The following RBFOX1 variants were observed in gnomAD, a reference collection of about 807,000 sequenced individuals.
The protein encoded by RBFOX1 is RNA binding protein fox-1 homolog 1.
A neutral mutation model predicts 57.7 loss-of-function variants in RBFOX1; 8 were observed. That is an observed-to-expected ratio of 0.14 (90% CI 0.08 to 0.25). The LOEUF is 0.25. RBFOX1 is among the 10% of genes least tolerant of loss of function. RBFOX1 has a pLI of 1.00. For missense variants in RBFOX1, 611 were observed against 548.5 expected (o/e 1.11, Z -1.14); for synonymous variants, 326 against 222.4 (o/e 1.47, Z -4.15).
chr16:5,607,060 C>T (rs1474012672), intron 3 of RBFOX1, among the ~76,000 whole-genome samples: 1 of 152,152 alleles, frequency 6.6e-6, no homozygotes, highest in African/African-American at 2.4e-5. Flanking sequence ...GGCTGGGAGG[C>T]CTTGGTCCCT....
intron 4 of RBFOX1, among the ~76,000 whole-genome samples, chr16:7,096,105 A>G (rs1455700778): frequency 6.6e-6 from 1 of 152,188 alleles, no homozygotes; most frequent in Non-Finnish European, 1.5e-5. Context: ...CTGACGACCC[A>G]GGAGACATGA....
chr16:6,679,046 C>G (rs2058212477), intron 3 of RBFOX1, among the ~76,000 whole-genome samples: 1 of 152,114 alleles, frequency 6.6e-6, no homozygotes, highest in African/African-American at 2.4e-5. Context: ...TATTATATCT[C>G]TAACACCTCT....
intron 3 of RBFOX1, among the ~76,000 whole-genome samples, chr16:6,968,822 T>G (rs1433746559): frequency 2.2e-5 from 3 of 135,516 alleles, no homozygotes; most frequent in African/African-American, 6.0e-5. Context: ...GGTTTTTTTG[T>G]TTTTTTTTTT....
chr16:6,875,377 A>T (rs144891655), intron 3 of RBFOX1, among the ~76,000 whole-genome samples: 83 of 152,212 alleles, frequency 5.5e-4, no homozygotes, highest in African/African-American at 1.9e-3. Flanking sequence ...GTCCAATATG[A>T]CCTACTTCTC....
intron 3 of RBFOX1, among the ~76,000 whole-genome samples, chr16:5,608,552 TAAATC>T (rs1300846537): frequency 5.9e-5 from 9 of 152,270 alleles, no homozygotes; most frequent in Non-Finnish European, 8.8e-5. Flanking sequence ...ACAGAGTTGA[TAAATC>T]AAATTGTTAT....
intron 4 of RBFOX1, among the ~76,000 whole-genome samples, chr16:7,241,022 C>T (rs866521592): frequency 6.6e-6 from 1 of 152,152 alleles, no homozygotes; most frequent in Non-Finnish European, 1.5e-5. Context: ...TCTGTTCTGG[C>T]TATCGTGAAA....
At chr16:6,756,120 C>G (rs763379329) in intron 3 of RBFOX1, among the ~76,000 whole-genome samples, 28 of 152,080 alleles carry the variant, frequency 1.8e-4, no homozygotes, top group African/African-American at 6.8e-4. Context: ...TAGTAGAAAC[C>G]TTTAAAAATC....
intron 1 of RBFOX1, among the ~76,000 whole-genome samples, chr16:5,428,198 A>G (rs2067623401): frequency 1.3e-5 from 2 of 152,020 alleles, no homozygotes; most frequent in Admixed American, 6.5e-5. Flanking sequence ...TGGAGTCCTT[A>G]CTGAACTTCC....
chr16:6,762,149 C>G (rs1304829832), intron 3 of RBFOX1, among the ~76,000 whole-genome samples: 2 of 152,094 alleles, frequency 1.3e-5, no homozygotes, highest in East Asian at 3.9e-4. Flanking sequence ...GTCTTCTCCT[C>G]TGTAAAATGT....
At chr16:5,905,522 G>A (rs1212852876) in intron 4 of RBFOX1, among the ~76,000 whole-genome samples, 2 of 152,074 alleles carry the variant, frequency 1.3e-5, no homozygotes, top group Non-Finnish European at 2.9e-5. Flanking sequence ...GACCAGCTTG[G>A]AAAACATGTT....
chr16:6,344,402 TTTTTC>T (rs2085019770), intron 2 of RBFOX1, among the ~76,000 whole-genome samples: 1 of 103,302 alleles, frequency 9.7e-6, no homozygotes, highest in Non-Finnish European at 1.8e-5. Context: ...TTTTTTCTTT[TTTTTC>T]TTTTTTTTTT....
chr16:6,688,550 T>A (rs955762537), intron 3 of RBFOX1, among the ~76,000 whole-genome samples: 2 of 152,128 alleles, frequency 1.3e-5, no homozygotes, highest in African/African-American at 4.8e-5. Flanking sequence ...AGCACCGTAG[T>A]GGGGACAATA....
intron 3 of RBFOX1, among the ~76,000 whole-genome samples, chr16:5,712,474 G>C (rs1305237541): frequency 6.6e-6 from 1 of 152,218 alleles, no homozygotes; most frequent in Non-Finnish European, 1.5e-5. Context: ...TTTCACGCAT[G>C]CTGATGAATT....
downstream of RBFOX1, among the ~76,000 whole-genome samples, chr16:5,604,630 C>T (rs117986818): frequency 1.4e-3 from 219 of 152,276 alleles, no homozygotes; most frequent in Non-Finnish European, 2.4e-3. Context: ...AGAAGTAACT[C>T]GTGGGTCCTG....
At chr16:6,439,504 G>T (rs761972984) in intron 2 of RBFOX1, among the ~76,000 whole-genome samples, 2 of 152,156 alleles carry the variant, frequency 1.3e-5, no homozygotes, top group Non-Finnish European at 2.9e-5. Flanking sequence ...CTTCCCTTCT[G>T]CCCCTTTCCT....
At chr16:6,743,730 A>C (rs989478045) in intron 3 of RBFOX1, among the ~76,000 whole-genome samples, 3 of 151,792 alleles carry the variant, frequency 2.0e-5, no homozygotes, top group Non-Finnish European at 4.4e-5. Context: ...ACTCCACTGC[A>C]CTCAGGGCAA....
chr16:7,040,932 G>T (rs987215548), intron 3 of RBFOX1, among the ~76,000 whole-genome samples: 1 of 151,260 alleles, frequency 6.6e-6, no homozygotes, highest in African/African-American at 2.4e-5. Context: ...TTTTGCTGGG[G>T]GGGGAAGGAG....
rs181160417 is a variant in RBFOX1, at chr16:6,229,353, A to T, written c.-126-87642A>T. ...CCTCTGCACGCAGTGCAGAAACTAG[A>T]TCTCTCCTGCCACTAGGCTCACAAG... On this transcript the variant is annotated intron_variant, in intron 1 of 15. Coordinates refer to ENST00000550418, the MANE Select transcript of RBFOX1 (RefSeq NM_018723.4). 8.5e-4 allele frequency among the ~76,000 whole-genome samples: 129 copies of T among 152,260 alleles called. 1 individual carries two copies. Among genetic ancestry groups the T allele is most frequent in the African/African-American group, 3.0e-3 (123 of 41,550 alleles).
At chr16:7,343,480 G>A (rs1365110795) in intron 4 of RBFOX1, among the ~76,000 whole-genome samples, 3 of 152,158 alleles carry the variant, frequency 2.0e-5, no homozygotes, top group Non-Finnish European at 4.4e-5. Flanking sequence ...AGGTTTAAAA[G>A]GGCTAGAGGA....
Sources: allele counts gnomAD v4.1 joint callset (sites outside exome capture counted in the v4.1 genomes callset), GRCh38; gene constraint gnomAD v4.1.1; transcripts MANE v1.5; gene names NCBI Gene and HGNC (gene_info 2026-07-23, HGNC 2026-07-21).